Variants in IMMP2L observed in about 807,000 individuals in gnomAD.
IMMP2L encodes inner mitochondrial membrane peptidase subunit 2, also known as mitochondrial inner membrane protease subunit 2.
A neutral mutation model predicts 19.3 loss-of-function variants in IMMP2L; 18 were observed. That is an observed-to-expected ratio of 0.93 (90% CI 0.64 to 1.38). IMMP2L has a LOEUF of 1.38. Among genes scored for constraint, IMMP2L ranks in the 40% most tolerant of loss-of-function variants. IMMP2L has a pLI of 0.00. For synonymous variants in IMMP2L, 76 were observed against 73.0 expected (o/e 1.04, Z -0.21); for missense variants, 233 against 218.2 (o/e 1.07, Z -0.43).
intron 3 of IMMP2L, among the ~76,000 whole-genome samples, chr7:111,059,555 G>A (rs957511840): frequency 6.6e-5 from 10 of 152,012 alleles, no homozygotes; most frequent in Non-Finnish European, 1.5e-4. Context: ...TGAGGGGAGG[G>A]GTCTATGTTA....
intron 3 of IMMP2L, among the ~76,000 whole-genome samples, chr7:111,347,487 C>A (rs974166250): frequency 1.3e-5 from 2 of 151,960 alleles, no homozygotes; most frequent in Non-Finnish European, 2.9e-5. Flanking sequence ...AACTCCTGAC[C>A]TGACTACTTG....
At chr7:111,184,626 A>C (rs563447879) in intron 3 of IMMP2L, among the ~76,000 whole-genome samples, 163 of 152,192 alleles carry the variant, frequency 1.1e-3, no homozygotes, top group Non-Finnish European at 2.0e-3. Context: ...AAAGTTGGTC[A>C]AAAAACACTG....
intron 5 of IMMP2L, among the ~76,000 whole-genome samples, chr7:110,832,065 T>C (rs561047020): frequency 3.3e-4 from 50 of 152,234 alleles, no homozygotes; most frequent in African/African-American, 1.0e-3. Context: ...AGATCAAGAC[T>C]ACCCTGGCCA....
intron 5 of IMMP2L, among the ~76,000 whole-genome samples, chr7:110,756,625 G>A (rs1334509311): frequency 6.6e-6 from 1 of 152,044 alleles, no homozygotes; most frequent in East Asian, 1.9e-4. Context: ...ATATTAGATA[G>A]GTTCATGTCA....
At chr7:111,174,671 T>C (rs1247659444) in intron 3 of IMMP2L, among the ~76,000 whole-genome samples, 2 of 151,710 alleles carry the variant, frequency 1.3e-5, no homozygotes, top group East Asian at 3.9e-4. Context: ...GTAAAACAAT[T>C]ATTGAAAAAA....
At chr7:110,906,488 C>A (rs1159299434) in intron 4 of IMMP2L, among the ~76,000 whole-genome samples, 1 of 152,080 alleles carries the variant, frequency 6.6e-6, no homozygotes, top group Non-Finnish European at 1.5e-5. Context: ...GCAAATGTAA[C>A]CCTAGTGAAT....
At chr7:111,044,343 C>T (rs867899000) in intron 3 of IMMP2L, among the ~76,000 whole-genome samples, 8 of 152,022 alleles carry the variant, frequency 5.3e-5, no homozygotes, top group Non-Finnish European at 5.9e-5. Context: ...GTGGATCACC[C>T]GAGGTCAGGA....
chr7:110,766,806 GGCAGAAACGT>G (rs1798697038), intron 5 of IMMP2L, among the ~76,000 whole-genome samples: 1 of 151,942 alleles, frequency 6.6e-6, no homozygotes, highest in Non-Finnish European at 1.5e-5. Context: ...CTACACAGAA[GGCAGAAACGT>G]AACTGATTAG....
At chr7:111,268,234 T>A (rs533349249) in intron 3 of IMMP2L, among the ~76,000 whole-genome samples, 1 of 151,398 alleles carries the variant, frequency 6.6e-6, no homozygotes, top group South Asian at 2.1e-4. Flanking sequence ...CTAAAAGGAG[T>A]AGGATATTAG....
chr7:111,180,037 T>C (rs79246768), intron 3 of IMMP2L, among the ~76,000 whole-genome samples: 13,310 of 152,040 alleles, frequency 0.088, 789 homozygotes, highest in African/African-American at 0.15. Context: ...TGGGGCTGGT[T>C]TGATCTATCC....
At chr7:110,831,604 C>T (rs1184126568) in intron 5 of IMMP2L, among the ~76,000 whole-genome samples, 1 of 151,984 alleles carries the variant, frequency 6.6e-6, no homozygotes, top group Non-Finnish European at 1.5e-5. Context: ...ATCTCATTTG[C>T]AAAATGAAAA....
In IMMP2L at chr7:111,437,359, C is replaced by T. The variant is rs575765453; in HGVS notation, c.239+49879G>A. ...ACTCAGGAGGCTGAGGCAAGAGAAT[C>T]GCTTGAACCCGGGAGACAGAGGTTG... On this transcript the variant is annotated intron_variant, in intron 3 of 5. Transcript: ENST00000405709. 9.9e-5 allele frequency among the ~76,000 whole-genome samples: 15 copies of T among 151,840 alleles called. 1 individual carries two copies. Among genetic ancestry groups the T allele is most frequent in the African/African-American group, 3.4e-4 (14 of 41,212 alleles).
chr7:111,188,997 A>G (rs188501144), intron 3 of IMMP2L, among the ~76,000 whole-genome samples: 25 of 152,252 alleles, frequency 1.6e-4, no homozygotes, highest in African/African-American at 6.0e-4. Flanking sequence ...CACCATTCCA[A>G]TAGCATCAGC....
chr7:111,046,924 A>G (rs1352156969), intron 3 of IMMP2L, among the ~76,000 whole-genome samples: 2 of 152,154 alleles, frequency 1.3e-5, no homozygotes, highest in African/African-American at 4.8e-5. Flanking sequence ...CTTATCAGAT[A>G]GGCATTATAT....
At chr7:111,110,295 A>T (rs947376902) in intron 3 of IMMP2L, among the ~76,000 whole-genome samples, 1 of 152,236 alleles carries the variant, frequency 6.6e-6, no homozygotes. Context: ...GATAGGAATC[A>T]GTCATTAAAG....
chr7:111,049,013 T>A (rs1792723910), intron 3 of IMMP2L, among the ~76,000 whole-genome samples: 1 of 152,040 alleles, frequency 6.6e-6, no homozygotes, highest in Admixed American at 6.6e-5. Context: ...AACTTAAATA[T>A]ATACCATTTT....
intron 3 of IMMP2L, among the ~76,000 whole-genome samples, chr7:111,384,821 T>C (rs1385058937): frequency 6.6e-6 from 1 of 152,194 alleles, no homozygotes; most frequent in Admixed American, 6.5e-5. Flanking sequence ...ACATTTTATG[T>C]ATTTTTTTAA....
chr7:111,019,867 T>C (rs1826097221), intron 3 of IMMP2L, among the ~76,000 whole-genome samples: 1 of 152,070 alleles, frequency 6.6e-6, no homozygotes. Context: ...CCCTCTGCTT[T>C]CCATATTCAT....
chr7:110,819,317 C>A (rs1778749437), intron 5 of IMMP2L, among the ~76,000 whole-genome samples: 1 of 151,832 alleles, frequency 6.6e-6, no homozygotes, highest in Non-Finnish European at 1.5e-5. Context: ...GAGAATGAGG[C>A]TGTGATGGAA....
Sources: gnomAD v4.1 joint callset for allele counts (sites outside exome capture counted in the v4.1 genomes callset) on GRCh38, gnomAD v4.1.1 for gene constraint, MANE v1.5 for transcripts, NCBI Gene and HGNC (gene_info 2026-07-23, HGNC 2026-07-21) for gene names.